Variants in ATRNL1 observed in about 807,000 individuals in gnomAD.
ATRNL1 encodes the protein attractin-like protein 1.
In ATRNL1, 95 loss-of-function variants were observed where a neutral mutation model predicts 182.7. That is an observed-to-expected ratio of 0.52 (90% CI 0.44 to 0.62). The LOEUF is 0.62. ATRNL1 is among the 20% of genes least tolerant of loss of function. ATRNL1 has a pLI of 0.00. For synonymous variants in ATRNL1, 576 were observed against 568.3 expected, an observed-to-expected ratio of 1.01 and a Z score of -0.19; for missense variants, 1,471 against 1,679.5, an observed-to-expected ratio of 0.88 and a Z score of 2.17.
chr10:115,394,493 T>G (rs900946379), intron 19 of ATRNL1, among the ~76,000 whole-genome samples, 166 bp from the exon 20 acceptor site: 3 of 152,182 alleles, frequency 2.0e-5, no homozygotes, highest in East Asian at 3.9e-4. Context: ...AAAGTGAATT[T>G]ACTTCCCTTT....
chr10:115,598,122 T>A (rs1404877555), intron 26 of ATRNL1: 1 of 151,918 alleles, frequency 6.6e-6, no homozygotes, highest in Non-Finnish European at 1.5e-5. Context: ...AAGGAAGAAA[T>A]GGGGAAGCAG....
intron 26 of ATRNL1, among the ~76,000 whole-genome samples, chr10:115,560,854 A>G (rs781817707): frequency 6.6e-6 from 1 of 152,208 alleles, no homozygotes; most frequent in African/African-American, 2.4e-5. Flanking sequence ...AAACTCTTAC[A>G]TTTATAGTTG....
chr10:115,599,126 C>T (rs143877478), intron 26 of ATRNL1, among the ~76,000 whole-genome samples: 2 of 152,150 alleles, frequency 1.3e-5, no homozygotes, highest in African/African-American at 4.8e-5. Context: ...TAAGAACAAG[C>T]TTAAAGTACT....
intron 28 of ATRNL1, among the ~76,000 whole-genome samples, chr10:115,897,118 A>G (rs1952227262): frequency 6.6e-6 from 1 of 152,122 alleles, no homozygotes; most frequent in African/African-American, 2.4e-5. Context: ...TGAATGGGCA[A>G]TTATACATAC....
chr10:115,246,192 T>C (rs1013749086), intron 10 of ATRNL1, among the ~76,000 whole-genome samples: 7 of 152,180 alleles, frequency 4.6e-5, no homozygotes, highest in Non-Finnish European at 5.9e-5. Context: ...ATTTAATTTA[T>C]AGAAGAAGAC....
intron 8 of ATRNL1, among the ~76,000 whole-genome samples, chr10:115,192,367 G>A (rs574482894): frequency 2.0e-5 from 3 of 152,126 alleles, no homozygotes; most frequent in Admixed American, 6.6e-5. Flanking sequence ...TTTCCCCAAT[G>A]TATGTTCTTG....
intron 27 of ATRNL1, among the ~76,000 whole-genome samples, chr10:115,752,377 A>G (rs1451295282): frequency 6.6e-6 from 1 of 152,076 alleles, no homozygotes; most frequent in African/African-American, 2.4e-5. Context: ...ACAAATATGT[A>G]CTGAGCCCCT....
intron 28 of ATRNL1, among the ~76,000 whole-genome samples, chr10:115,856,838 A>G (rs1019557819): frequency 1.1e-4 from 17 of 152,082 alleles, no homozygotes; most frequent in Non-Finnish European, 2.2e-4. Flanking sequence ...CCGGTTCTCA[A>G]TAGGCTACAG....
At chr10:115,113,831 TA>T (rs1328234111) in intron 1 of ATRNL1, among the ~76,000 whole-genome samples, 1 of 152,242 alleles carries the variant, frequency 6.6e-6, no homozygotes, top group African/African-American at 2.4e-5. Context: ...CTTCAGTTGA[TA>T]ATGTAAACAA....
chr10:115,699,519 G>A (rs1946666838), intron 26 of ATRNL1, among the ~76,000 whole-genome samples: 1 of 152,092 alleles, frequency 6.6e-6, no homozygotes, highest in Non-Finnish European at 1.5e-5. Context: ...CTTGATATGT[G>A]TCACTGCAAA....
At chr10:115,899,770 A>G (rs180766808) in intron 28 of ATRNL1, among the ~76,000 whole-genome samples, 58 of 152,274 alleles carry the variant, frequency 3.8e-4, no homozygotes, top group Middle Eastern at 3.4e-3. Context: ...ACTTTCCTGT[A>G]TTCTTGATTT....
At chr10:115,558,057 C>CAA (rs1403789923) in intron 26 of ATRNL1, among the ~76,000 whole-genome samples, 1 of 71,098 alleles carries the variant, frequency 1.4e-5, no homozygotes, top group African/African-American at 5.5e-5. Context: ...AACAAAAAAA[C>CAA]AAAAAAACAA....
intron 26 of ATRNL1, among the ~76,000 whole-genome samples, chr10:115,700,829 A>T (rs1317879945): frequency 6.6e-6 from 1 of 152,110 alleles, no homozygotes; most frequent in Admixed American, 6.6e-5. Context: ...GACCTATGAA[A>T]ATACACAGAC....
chr10:115,600,633 T>C (rs1266869410), intron 26 of ATRNL1, among the ~76,000 whole-genome samples: 1 of 152,130 alleles, frequency 6.6e-6, no homozygotes, highest in Non-Finnish European at 1.5e-5. Flanking sequence ...GGGTTATAAA[T>C]CCTTTGTCAG....
chr10:115,723,149 G>T (rs1387523158), intron 26 of ATRNL1, among the ~76,000 whole-genome samples: 1 of 152,164 alleles, frequency 6.6e-6, no homozygotes, highest in Non-Finnish European at 1.5e-5. Flanking sequence ...AAGAGATGGT[G>T]CCATATTAAT....
At chr10:115,759,310 A>T (rs909709627) in intron 27 of ATRNL1, among the ~76,000 whole-genome samples, 8 of 152,130 alleles carry the variant, frequency 5.3e-5, no homozygotes, top group Non-Finnish European at 1.2e-4. Context: ...GTTCTATGAG[A>T]AAACATAAGC....
chr10:115,887,435 G>GTCT (rs1951973681), intron 28 of ATRNL1, among the ~76,000 whole-genome samples: 2 of 152,186 alleles, frequency 1.3e-5, no homozygotes, highest in African/African-American at 4.8e-5. Context: ...CTAGGTGGAT[G>GTCT]TCTTCTCACT....
At chr10:115,763,349 CA>C (rs1385711076) in intron 27 of ATRNL1, among the ~76,000 whole-genome samples, 1 of 151,950 alleles carries the variant, frequency 6.6e-6, no homozygotes, top group East Asian at 1.9e-4. Context: ...TGTGACAGTA[CA>C]TACATAGAGA....
intron 27 of ATRNL1, among the ~76,000 whole-genome samples, chr10:115,808,199 A>G (rs1949966221): frequency 6.6e-6 from 1 of 152,164 alleles, no homozygotes; most frequent in Admixed American, 6.5e-5. Flanking sequence ...TACTGGTTTA[A>G]GTGGACTGGA....
Sources: gnomAD v4.1 joint callset for allele counts (sites outside exome capture counted in the v4.1 genomes callset) on GRCh38, gnomAD v4.1.1 for gene constraint, MANE v1.5 for transcripts, NCBI Gene and HGNC (gene_info 2026-07-23, HGNC 2026-07-21) for gene names.